Variants in ANO3 observed in about 807,000 individuals in gnomAD.
The protein encoded by ANO3 is anoctamin-3.
In ANO3, 99 loss-of-function variants were observed where a neutral mutation model predicts 144.8. The observed-to-expected ratio is 0.68, with a 90% CI of 0.58 to 0.81. The LOEUF is 0.81. Ranked by LOEUF, ANO3 falls within the 30% of genes least tolerant of loss-of-function variation. ANO3 has a pLI of 0.00. For synonymous variants in ANO3, 414 were observed against 392.6 expected, an observed-to-expected ratio of 1.05 and a Z score of -0.64; for missense variants, 905 against 1,202.2, an observed-to-expected ratio of 0.75 and a Z score of 3.66.
chr11:26,379,764 G>A (rs982431173), intron 1 of ANO3, among the ~76,000 whole-genome samples: 16 of 152,228 alleles, frequency 1.1e-4, no homozygotes, highest in Admixed American at 3.9e-4. Flanking sequence ...CTGCACTCCA[G>A]CCTGTGTGAC....
chr11:26,292,183 TC>T (rs1365099821), intron 1 of ANO3, among the ~76,000 whole-genome samples: 1 of 152,156 alleles, frequency 6.6e-6, no homozygotes, highest in African/African-American at 2.4e-5. Context: ...TGATAGCCTT[TC>T]TTCCACTTGA....
intron 1 of ANO3, among the ~76,000 whole-genome samples, chr11:26,408,867 T>G (rs1468023074): frequency 6.6e-6 from 1 of 150,918 alleles, no homozygotes; most frequent in Non-Finnish European, 1.5e-5. Flanking sequence ...CAGCAAACTA[T>G]CGCAAGGACA....
At chr11:26,531,438 G>C in intron 8 of ANO3, 102 bp downstream of exon 8, 1 of 1,312,750 alleles carries the variant, frequency 7.6e-7, no homozygotes. Context: ...TACCAAATAC[G>C]TCAGAGAACT....
At chr11:26,372,181 TATC>T (rs1294814426) in intron 1 of ANO3, among the ~76,000 whole-genome samples, 2 of 152,176 alleles carry the variant, frequency 1.3e-5, no homozygotes, top group Non-Finnish European at 2.9e-5. Flanking sequence ...GATAGTCAAT[TATC>T]ATGGGATCGG....
intron 1 of ANO3, among the ~76,000 whole-genome samples, chr11:26,304,531 C>A (rs1019110590): frequency 6.6e-6 from 1 of 152,082 alleles, no homozygotes; most frequent in African/African-American, 2.4e-5. Flanking sequence ...CCTTCTTATT[C>A]TTTCCCATTT....
At chr11:26,424,378 A>G (rs900253600) in intron 1 of ANO3, among the ~76,000 whole-genome samples, 3 of 151,898 alleles carry the variant, frequency 2.0e-5, no homozygotes, top group Non-Finnish European at 4.4e-5. Flanking sequence ...TCTCTATTAT[A>G]TAACACTGCC....
At chr11:26,201,180 C>A (rs1226009644) in intron 1 of ANO3, among the ~76,000 whole-genome samples, 1 of 152,078 alleles carries the variant, frequency 6.6e-6, no homozygotes. Flanking sequence ...TCAGTATTCA[C>A]CAACATTTTA....
chr11:26,400,167 C>A (rs1857113131), intron 1 of ANO3, among the ~76,000 whole-genome samples: 1 of 151,868 alleles, frequency 6.6e-6, no homozygotes. Context: ...GGAGCATTAA[C>A]CAAAACCATG....
At chr11:26,459,606 A>G (rs1356199051) in intron 3 of ANO3, among the ~76,000 whole-genome samples, 3 of 152,066 alleles carry the variant, frequency 2.0e-5, no homozygotes, top group Non-Finnish European at 2.9e-5. Context: ...ACACACACAC[A>G]TACATATATA....
chr11:26,585,893 C>A (rs1851261507), intron 14 of ANO3, among the ~76,000 whole-genome samples: 1 of 152,114 alleles, frequency 6.6e-6, no homozygotes, highest in Admixed American at 6.5e-5. Flanking sequence ...TTTTTATTGA[C>A]TGTTAAGAGA....
chr11:26,336,735 A>AG (rs1855204223), intron 1 of ANO3, among the ~76,000 whole-genome samples: 1 of 127,526 alleles, frequency 7.8e-6, no homozygotes. Flanking sequence ...CTTATCTTAG[A>AG]GAAATAAGAA....
chr11:26,492,671 T>C (rs796296290), intron 4 of ANO3, among the ~76,000 whole-genome samples: 8 of 152,350 alleles, frequency 5.3e-5, no homozygotes, highest in African/African-American at 1.9e-4. Flanking sequence ...CTCATTTATC[T>C]TCATCGCTAG....
intron 1 of ANO3, among the ~76,000 whole-genome samples, chr11:26,323,484 TG>T (rs1413892496): frequency 1.3e-5 from 2 of 152,058 alleles, no homozygotes; most frequent in Non-Finnish European, 2.9e-5. Context: ...ATAAATTGCT[TG>T]GGGTTTTGAA....
chr11:26,439,519 A>G (rs1361702501), intron 1 of ANO3, among the ~76,000 whole-genome samples: 1 of 152,240 alleles, frequency 6.6e-6, no homozygotes, highest in Non-Finnish European at 1.5e-5. Context: ...GAGGAATAAT[A>G]AAAGCGTTTT....
At chr11:26,447,015 G>A (rs1858724790) in intron 3 of ANO3, among the ~76,000 whole-genome samples, 1 of 152,008 alleles carries the variant, frequency 6.6e-6, no homozygotes, top group South Asian at 2.1e-4. Flanking sequence ...TTTAAGACCA[G>A]CATTAGCAAA....
intron 17 of ANO3, among the ~76,000 whole-genome samples, chr11:26,617,060 C>T (rs1216948420): frequency 6.6e-6 from 1 of 152,144 alleles, no homozygotes; most frequent in Non-Finnish European, 1.5e-5. Context: ...CGTGAGCCAC[C>T]GTGCCCGGCC....
chr11:26,396,574 G>T (rs1490340075), intron 1 of ANO3, among the ~76,000 whole-genome samples: 5 of 150,832 alleles, frequency 3.3e-5, no homozygotes, highest in Non-Finnish European at 2.9e-5. Context: ...ACTGGATAAA[G>T]AAAATGTGGC....
intron 4 of ANO3, among the ~76,000 whole-genome samples, chr11:26,502,874 C>G (rs1455994257): frequency 6.7e-6 from 1 of 150,152 alleles, no homozygotes; most frequent in African/African-American, 2.4e-5. Context: ...AAGCCTGTCA[C>G]CTTCACCAAG....
chr11:26,525,245 A>T (rs1279352515), intron 6 of ANO3, among the ~76,000 whole-genome samples: 1 of 152,124 alleles, frequency 6.6e-6, no homozygotes, highest in Non-Finnish European at 1.5e-5. Flanking sequence ...TACGTATTAA[A>T]TGGATGTATA....
Sources: allele counts gnomAD v4.1 joint callset (sites outside exome capture counted in the v4.1 genomes callset), GRCh38; gene constraint gnomAD v4.1.1; transcripts MANE v1.5; gene names NCBI Gene and HGNC (gene_info 2026-07-23, HGNC 2026-07-21).